Variants in FMN1 observed in about 807,000 individuals in gnomAD.
FMN1 encodes formin 1, also known as formin-1.
A neutral mutation model predicts 132.4 loss-of-function variants in FMN1; 110 were observed. The ratio of observed to expected loss-of-function variants is 0.83; its 90% confidence interval spans 0.71 to 0.97. The LOEUF (loss-of-function observed/expected upper bound fraction) is 0.97. Ranked by LOEUF, FMN1 falls within the 50% of genes least tolerant of loss-of-function variation. FMN1 has a pLI of 0.00. For synonymous variants in FMN1, 722 were observed against 651.7 expected (o/e 1.11, Z -1.64); for missense variants, 1,792 against 1,705.3 (o/e 1.05, Z -0.90).
Position 32,948,428 on chromosome 15 carries a change from T to C in FMN1, c.3138+15679A>G, listed in dbSNP as rs533924440. Among the ~76,000 whole-genome samples, 16 of 152,064 alleles carry C rather than the reference T, an allele frequency of 1.1e-4. No homozygotes were observed. The South Asian group carries it at 1.9e-3, about 18-fold the overall frequency. On this transcript the variant is annotated intron_variant, in intron 9 of 20. Coordinates refer to ENST00000616417, the MANE Select transcript of FMN1 (RefSeq NM_001277313.2). ...GTTGTGCTATCAAGATTATATATAC[T>C]AGTCTTGAGTTTAATATTATTTTCT... is the stretch of plus-strand genomic sequence containing the variant.
intron 17 of FMN1, among the ~76,000 whole-genome samples, chr15:32,806,313 T>G (rs1032523976): frequency 6.6e-6 from 1 of 152,214 alleles, no homozygotes; most frequent in Admixed American, 6.5e-5. Flanking sequence ...TTTGGCAAGT[T>G]AGTTAAGACC....
chr15:32,995,788 G>A (rs901201106), intron 7 of FMN1, among the ~76,000 whole-genome samples: 2 of 152,118 alleles, frequency 1.3e-5, no homozygotes, highest in Admixed American at 6.6e-5. Context: ...ACTCAGAACC[G>A]TTCCCCAGAT....
chr15:33,027,708 G>C (rs546904965), intron 6 of FMN1, among the ~76,000 whole-genome samples: 7 of 152,230 alleles, frequency 4.6e-5, no homozygotes, highest in South Asian at 2.1e-4. Flanking sequence ...ACGATCTAGT[G>C]TTCAAAGTGA....
chr15:33,089,120 T>C (rs944763485), intron 4 of FMN1, 146 bp from the exon 5 acceptor site: 20 of 686,836 alleles, frequency 2.9e-5, no homozygotes, highest in Non-Finnish European at 4.4e-5. Context: ...ACTGCTTTCC[T>C]TTAAAAGTAT....
chr15:32,898,961 G>T, intron 14 of FMN1, 68 bp from the exon 15 acceptor site: 2 of 1,085,020 alleles, frequency 1.8e-6, no homozygotes, highest in Non-Finnish European at 2.8e-6. Flanking sequence ...CGGTTGAGAG[G>T]TGAAATCTCA....
chr15:32,775,512 G>A (rs1046463134), intron 20 of FMN1, among the ~76,000 whole-genome samples: 21 of 152,156 alleles, frequency 1.4e-4, no homozygotes, highest in Non-Finnish European at 1.5e-5. Context: ...AAGAGGGAGA[G>A]GCTCATGAAG....
chr15:32,828,632 A>T (rs2058429275), intron 17 of FMN1, among the ~76,000 whole-genome samples: 1 of 152,192 alleles, frequency 6.6e-6, no homozygotes, highest in African/African-American at 2.4e-5. Context: ...TTCAAAAAAG[A>T]GGCTACTCAT....
At chr15:33,013,327 T>TA (rs1252916668) in intron 6 of FMN1, among the ~76,000 whole-genome samples, 1 of 152,336 alleles carries the variant, frequency 6.6e-6, no homozygotes, top group East Asian at 1.9e-4. Flanking sequence ...AGGGTTTTAA[T>TA]ACAGTGGTTT....
At chr15:32,851,238 G>A (rs1032323096) in intron 17 of FMN1, among the ~76,000 whole-genome samples, 1 of 152,206 alleles carries the variant, frequency 6.6e-6, no homozygotes, top group Non-Finnish European at 1.5e-5. Context: ...AAGGCCAAGT[G>A]TGGGAGAGTG....
intron 9 of FMN1, among the ~76,000 whole-genome samples, chr15:32,953,822 T>C (rs1039369776): frequency 6.6e-6 from 1 of 152,212 alleles, no homozygotes; most frequent in Non-Finnish European, 1.5e-5. Flanking sequence ...GAATACTGTA[T>C]ACCGGAAGGT....
intron 9 of FMN1, among the ~76,000 whole-genome samples, chr15:32,957,324 T>A (rs1305587262): frequency 1.4e-5 from 2 of 141,864 alleles, no homozygotes; most frequent in Non-Finnish European, 1.5e-5. Flanking sequence ...TTTTTTTTTT[T>A]TACAGGAACC....
chr15:32,811,494 A>G (rs1183436404), intron 17 of FMN1, among the ~76,000 whole-genome samples: 1 of 151,960 alleles, frequency 6.6e-6, no homozygotes, highest in African/African-American at 2.4e-5. Context: ...AGTAAAGGAC[A>G]TTGTGTCACT....
At chr15:33,165,168 G>A (rs1479043467) in intron 3 of FMN1, among the ~76,000 whole-genome samples, 1 of 152,200 alleles carries the variant, frequency 6.6e-6, no homozygotes, top group African/African-American at 2.4e-5. Context: ...GGTGGGCTTA[G>A]TACATTTTAC....
chr15:32,905,905 G>A (rs1001599454), intron 12 of FMN1, among the ~76,000 whole-genome samples: 2 of 152,076 alleles, frequency 1.3e-5, no homozygotes, highest in African/African-American at 2.4e-5. Context: ...CCATCTATCC[G>A]TGCCTCACCC....
At chr15:33,106,897 CATCT>C (rs2039508665) in intron 4 of FMN1, among the ~76,000 whole-genome samples, 1 of 151,998 alleles carries the variant, frequency 6.6e-6, no homozygotes, top group Non-Finnish European at 1.5e-5. Flanking sequence ...TCATTCACTC[CATCT>C]GTCATCTCAT....
At chr15:33,087,880 T>C (rs2038761169) in intron 5 of FMN1, among the ~76,000 whole-genome samples, 2 of 151,938 alleles carry the variant, frequency 1.3e-5, no homozygotes, top group Admixed American at 6.6e-5. Flanking sequence ...TACTAAGCCA[T>C]AGAAAGGAAT....
chr15:33,137,646 T>C (rs1276532229), intron 4 of FMN1, among the ~76,000 whole-genome samples: 1 of 152,164 alleles, frequency 6.6e-6, no homozygotes, highest in Non-Finnish European at 1.5e-5. Flanking sequence ...CACCGGACAA[T>C]GTATTTCCTT....
At chr15:33,019,434 C>G (rs1001857460) in intron 6 of FMN1, among the ~76,000 whole-genome samples, 1 of 152,246 alleles carries the variant, frequency 6.6e-6, no homozygotes, top group Non-Finnish European at 1.5e-5. Flanking sequence ...CCCAGTGGAT[C>G]CTGCACCGGG....
intron 2 of FMN1, among the ~76,000 whole-genome samples, chr15:33,191,529 C>T (rs143855450): frequency 2.0e-5 from 3 of 152,348 alleles, no homozygotes; most frequent in Admixed American, 1.3e-4. Context: ...TGCACTAAGG[C>T]AGTATTTGCT....
Sources: allele counts gnomAD v4.1 joint callset (sites outside exome capture counted in the v4.1 genomes callset), GRCh38; gene constraint gnomAD v4.1.1; transcripts MANE v1.5; gene names NCBI Gene and HGNC (gene_info 2026-07-23, HGNC 2026-07-21).